The following PCDH15 variants were observed in gnomAD, a reference collection of about 807,000 sequenced individuals.
The protein encoded by PCDH15 is protocadherin-15.
Under a neutral mutation model 178.5 loss-of-function variants are expected in PCDH15, and 129 were observed. The ratio of observed to expected loss-of-function variants is 0.72; its 90% CI spans 0.63 to 0.84. PCDH15 has a LOEUF of 0.84. Ranked by LOEUF, PCDH15 falls within the 40% of genes least tolerant of loss-of-function variation. The probability of loss-of-function intolerance (pLI) is 0.00; values close to 1 mark genes in which losing one functional copy is unlikely to be tolerated. For synonymous variants in PCDH15, 800 were observed against 732.0 expected (o/e 1.09, Z -1.50); for missense variants, 2,230 against 2,099.9 (o/e 1.06, Z -1.21).
intron 8 of PCDH15, among the ~76,000 whole-genome samples, chr10:54,271,933 T>C (rs1203460800): frequency 6.7e-6 from 1 of 148,226 alleles, no homozygotes; most frequent in Non-Finnish European, 1.5e-5. Flanking sequence ...TAGAGCCAGA[T>C]TATACCATTC....
chr10:55,195,623 C>G (rs1840072834), intron 1 of PCDH15, among the ~76,000 whole-genome samples: 1 of 146,916 alleles, frequency 6.8e-6, no homozygotes, highest in Admixed American at 6.8e-5. Flanking sequence ...CCACTGCACT[C>G]CAGCCTGGGT....
At position 55,266,781 on chromosome 10, in the gene PCDH15, C is replaced by G. The variant is rs563155907; in HGVS notation, c.-156+52818G>C. The stretch of plus-strand genomic sequence containing the variant: ...CCACACAGAGTCTGGCCAAGGTGGT[C>G]AGAGGAGACCCCAGCCACTAAGCGG... On this transcript the variant is annotated intron_variant, in intron 1 of 5. Coordinates refer to the PCDH15 transcript ENST00000458638. 3.2e-4 allele frequency among the ~76,000 whole-genome samples: 48 copies of G among 152,236 alleles called. No homozygotes were observed. The East Asian group carries it at 8.7e-3, about 28-fold the overall frequency.
At position 55,376,017 on chromosome 10, in the gene PCDH15, T is replaced by G. The variant is rs867216977; in HGVS notation, c.-155-209366A>C. Among the ~76,000 whole-genome samples the G allele has an allele frequency of 1.1e-4, 17 of 152,112 alleles. No individual in the cohort carries two copies. The South Asian group carries it at 3.3e-3, about 30-fold the overall frequency. On this transcript the variant is annotated intron_variant, in intron 2 of 5. Coordinates refer to the PCDH15 transcript ENST00000613346. ...TAACATTTTAGTTTAGGACCATATT[T>G]ATCACACTAGATCATAACTTTTATA...
rs1375062684 is a variant in PCDH15, at chr10:53,822,658, T to A, written c.4368-2428A>T. 2 of 1,613,886 alleles carry A rather than the reference T, an allele frequency of 1.2e-6. No homozygotes were observed. The highest frequency in any genetic ancestry group is 8.5e-7 in the Non-Finnish European group (1 of 1,179,954). ...AAGGAACACTCAGCAGGAGAACTGATGACATTAGGTTCTGATTTGAGTTCC... is the reference window on the plus strand; with the variant it reads ...AAGGAACACTCAGCAGGAGAACTGAAGACATTAGGTTCTGATTTGAGTTCC... On this transcript the variant is annotated intron_variant, in intron 32 of 37. Transcript: ENST00000644397.
intron 2 of PCDH15, among the ~76,000 whole-genome samples, chr10:55,622,173 T>A (rs1302359860): frequency 6.0e-5 from 7 of 116,762 alleles, no homozygotes; most frequent in Non-Finnish European, 7.1e-5. Flanking sequence ...ATTATATATA[T>A]TATATATATA....
At chr10:55,459,292 C>G (rs1338963719) in intron 2 of PCDH15, among the ~76,000 whole-genome samples, 3 of 150,006 alleles carry the variant, frequency 2.0e-5, no homozygotes, top group Non-Finnish European at 4.4e-5. Context: ...GGTAAATTAC[C>G]CTAATTTGTG....
intron 7 of PCDH15, among the ~76,000 whole-genome samples, chr10:54,325,176 T>C (rs2133815703): frequency 6.6e-6 from 1 of 152,158 alleles, no homozygotes; most frequent in Non-Finnish European, 1.5e-5. Context: ...TTACCTTAAT[T>C]ACGGATCATA....
At chr10:55,199,170 T>G (rs1329920199) in intron 1 of PCDH15, among the ~76,000 whole-genome samples, 1 of 152,054 alleles carries the variant, frequency 6.6e-6, no homozygotes, top group Admixed American at 6.5e-5. Flanking sequence ...TCCTAAAGAC[T>G]TGTTGAATGG....
rs137864023 is a variant in PCDH15, at chr10:55,397,123, G to C, written c.-155-230472C>G. Among the ~76,000 whole-genome samples the C allele has an allele frequency of 2.6e-5, 4 of 152,264 alleles. No individual in the cohort carries two copies. The East Asian group carries it at 5.8e-4, about 22-fold the overall frequency. ...TTACTCAACAACTGCAGTAGAACTA[G>C]ATGTAATAGCTACAATAATATTTCT... On this transcript the variant is annotated intron_variant, in intron 2 of 5. Coordinates refer to the PCDH15 transcript ENST00000613346.
intron 2 of PCDH15, among the ~76,000 whole-genome samples, chr10:55,395,628 G>A (rs1258680521): frequency 6.6e-6 from 1 of 151,976 alleles, no homozygotes; most frequent in Admixed American, 6.6e-5. Flanking sequence ...TCTCTAGCCT[G>A]TACAATTTAG....
intron 26 of PCDH15, among the ~76,000 whole-genome samples, chr10:53,892,659 T>C (rs943210015): frequency 6.6e-6 from 1 of 152,136 alleles, no homozygotes; most frequent in Non-Finnish European, 1.5e-5. Context: ...TTCAGACTAA[T>C]AAGGAGAAAT....
intron 2 of PCDH15, among the ~76,000 whole-genome samples, chr10:55,406,886 CAG>C (rs1243222608): frequency 6.6e-6 from 1 of 152,118 alleles, no homozygotes; most frequent in Non-Finnish European, 1.5e-5. Context: ...GTAAAACAGA[CAG>C]AGTGACAAGT....
chr10:54,384,320 C>T (rs1203055159), intron 3 of PCDH15, among the ~76,000 whole-genome samples: 3 of 34,352 alleles, frequency 8.7e-5, no homozygotes, highest in African/African-American at 3.0e-4. Flanking sequence ...GCTGAAGATC[C>T]CCCCCCTTTT....
chr10:55,332,912 A>T (rs1376670338), intron 2 of PCDH15, among the ~76,000 whole-genome samples: 1 of 152,126 alleles, frequency 6.6e-6, no homozygotes, highest in Non-Finnish European at 1.5e-5. Context: ...GTGTGTCTTT[A>T]TCAGCAGCAT....
At chr10:54,983,506 C>T (rs964019301) in intron 2 of PCDH15, among the ~76,000 whole-genome samples, 3 of 152,048 alleles carry the variant, frequency 2.0e-5, no homozygotes, top group East Asian at 1.9e-4. Context: ...GTTATTTGTC[C>T]TGGAGACAAC....
rs576017429 is a variant in PCDH15 at position 53,806,086 on chromosome 10, T to A, written c.*493A>T. Reference sequence around the variant, plus strand: ...AGGTGATTCCCTCATTTACTTTACTTTGCAATTCTAGCTTTCATTTTAAAA... The same window carrying A: ...AGGTGATTCCCTCATTTACTTTACTATGCAATTCTAGCTTTCATTTTAAAA... On this transcript the variant is annotated 3_prime_UTR_variant, in exon 38 of 38. Coordinates refer to ENST00000644397, the MANE Select transcript of PCDH15 (RefSeq NM_001384140.1). 3.7e-4 allele frequency: 57 copies of A among 154,040 alleles called. 2 individuals are homozygous for A. In the South Asian group the frequency reaches 6.8e-3, roughly 18 times the overall value. 9.5% of individuals were successfully genotyped at this position (154,040 alleles called of 1,614,324 possible).
At chr10:53,952,169 C>A (rs2087130022) in intron 23 of PCDH15, among the ~76,000 whole-genome samples, 1 of 152,170 alleles carries the variant, frequency 6.6e-6, no homozygotes, top group South Asian at 2.1e-4. Flanking sequence ...CACAATGTGG[C>A]AAGCGGGGAG....
intron 1 of PCDH15, among the ~76,000 whole-genome samples, chr10:54,679,714 T>G (rs991070334): frequency 4.6e-5 from 7 of 152,180 alleles, no homozygotes; most frequent in African/African-American, 1.7e-4. Flanking sequence ...AATAAGAGAA[T>G]GAACATACTT....
At chr10:54,546,994 C>A (rs1248559826) in intron 2 of PCDH15, among the ~76,000 whole-genome samples, 2 of 152,128 alleles carry the variant, frequency 1.3e-5, no homozygotes, top group African/African-American at 4.8e-5. Context: ...TGTGGGAAAG[C>A]TGTAGGCAGG....
Sources: allele counts gnomAD v4.1 joint callset (sites outside exome capture counted in the v4.1 genomes callset), GRCh38; gene constraint gnomAD v4.1.1; transcripts MANE v1.5; gene names NCBI Gene and HGNC (gene_info 2026-07-23, HGNC 2026-07-21).